Variants in SPAG16 observed in about 807,000 individuals in gnomAD.
SPAG16 encodes the protein sperm associated antigen 16, also known as sperm-associated antigen 16 protein.
In SPAG16, 86 loss-of-function variants were observed where a neutral mutation model predicts 80.4. That is an observed-to-expected ratio of 1.07 (90% CI 0.90 to 1.28). The LOEUF (loss-of-function observed/expected upper bound fraction) is 1.28, where lower values mean the gene tolerates loss of function less well. Among genes scored for constraint, SPAG16 ranks in the 50% most tolerant of loss-of-function variants. The pLI is 0.00. For missense variants in SPAG16, 870 were observed against 765.3 expected, an observed-to-expected ratio of 1.14 and a Z score of -1.61; for synonymous variants, 294 against 265.9, an observed-to-expected ratio of 1.11 and a Z score of -1.03.
At chr2:213,953,859 T>A (rs2043982799) in intron 12 of SPAG16, among the ~76,000 whole-genome samples, 1 of 151,980 alleles carries the variant, frequency 6.6e-6, no homozygotes, top group Admixed American at 6.6e-5. Flanking sequence ...CAAAAGATTG[T>A]ATGCAATGAT....
At chr2:214,189,634 AT>A (rs983706490) in intron 15 of SPAG16, among the ~76,000 whole-genome samples, 19 of 151,270 alleles carry the variant, frequency 1.3e-4, no homozygotes, top group Admixed American at 2.0e-4. Flanking sequence ...GCTAAACATG[AT>A]TTTTTTTTGT....
chr2:213,903,713 C>G (rs997460008), intron 11 of SPAG16, among the ~76,000 whole-genome samples: 1 of 152,172 alleles, frequency 6.6e-6, no homozygotes, highest in Admixed American at 6.5e-5. Flanking sequence ...TTGACTCTCT[C>G]CCCAGAAAAT....
At chr2:213,371,404 AAAAAAAAAAAAAAAG>A (rs1259790916) in intron 8 of SPAG16, among the ~76,000 whole-genome samples, 2 of 138,386 alleles carry the variant, frequency 1.4e-5, no homozygotes, top group Non-Finnish European at 3.1e-5. Flanking sequence ...CTCAAAAAAA[AAAAAAAAAAAAAAAG>A]AAAAGAAAAG....
At chr2:213,742,641 T>A (rs1483456958) in intron 10 of SPAG16, among the ~76,000 whole-genome samples, 2 of 139,866 alleles carry the variant, frequency 1.4e-5, no homozygotes, top group Admixed American at 7.6e-5. Context: ...AACCTCCACC[T>A]CCCGGGTGCA....
At chr2:213,361,207 G>T (rs939518628) in intron 7 of SPAG16, among the ~76,000 whole-genome samples, 1 of 151,542 alleles carries the variant, frequency 6.6e-6, no homozygotes, top group African/African-American at 2.4e-5. Context: ...CTTTGTTTTT[G>T]GTTTTAAGAA....
chr2:213,651,895 C>A (rs1313143730), intron 10 of SPAG16, among the ~76,000 whole-genome samples: 1 of 152,046 alleles, frequency 6.6e-6, no homozygotes, highest in Non-Finnish European at 1.5e-5. Flanking sequence ...AATAGTAAAT[C>A]AAATATAATT....
intron 9 of SPAG16, among the ~76,000 whole-genome samples, chr2:213,408,117 G>C (rs559634043): frequency 7.4e-6 from 1 of 135,080 alleles, no homozygotes; most frequent in South Asian, 2.2e-4. Flanking sequence ...CAAAAACAAA[G>C]AAAAAAAAAC....
At chr2:213,289,625 C>A (rs1323657162) in intron 1 of SPAG16, among the ~76,000 whole-genome samples, 3 of 152,134 alleles carry the variant, frequency 2.0e-5, no homozygotes, top group African/African-American at 7.2e-5. Context: ...AAGAAAGGGA[C>A]CAAGACTATG....
At chr2:213,506,099 T>C (rs1470832704) in intron 10 of SPAG16, among the ~76,000 whole-genome samples, 1 of 152,082 alleles carries the variant, frequency 6.6e-6, no homozygotes, top group East Asian at 1.9e-4. Flanking sequence ...TTAAGTTACC[T>C]TCTAGAATTA....
intron 13 of SPAG16, among the ~76,000 whole-genome samples, chr2:214,054,195 A>G (rs1220370559): frequency 6.6e-6 from 1 of 152,110 alleles, no homozygotes; most frequent in Non-Finnish European, 1.5e-5. Context: ...TCTTTAGTAT[A>G]GACGGGGTTT....
intron 5 of SPAG16, among the ~76,000 whole-genome samples, chr2:213,327,988 A>G (rs1002746409): frequency 2.0e-5 from 3 of 152,252 alleles, no homozygotes; most frequent in South Asian, 2.1e-4. Flanking sequence ...AGCTCATTAT[A>G]TGTCCATTTT....
intron 15 of SPAG16, among the ~76,000 whole-genome samples, chr2:214,177,677 G>A (rs888734549): frequency 6.7e-6 from 1 of 150,078 alleles, no homozygotes; most frequent in African/African-American, 2.4e-5. Flanking sequence ...TTTGCTTTCC[G>A]TTGTACATTG....
chr2:213,903,071 A>G (rs1479153363), intron 11 of SPAG16, among the ~76,000 whole-genome samples: 1 of 152,202 alleles, frequency 6.6e-6, no homozygotes, highest in Non-Finnish European at 1.5e-5. Flanking sequence ...TGCAGGGTAC[A>G]GCCTCCCTCC....
chr2:213,697,015 G>A (rs2065183302), intron 10 of SPAG16, among the ~76,000 whole-genome samples: 1 of 152,182 alleles, frequency 6.6e-6, no homozygotes. Context: ...CAGGAACCAA[G>A]TTCATTAGAA....
intron 13 of SPAG16, among the ~76,000 whole-genome samples, chr2:214,091,675 A>G (rs1000499911): frequency 2.0e-5 from 3 of 152,138 alleles, no homozygotes; most frequent in African/African-American, 4.8e-5. Flanking sequence ...TACTTAGCAT[A>G]AGTATTGGAT....
chr2:213,745,444 T>A (rs2067774317), intron 10 of SPAG16, among the ~76,000 whole-genome samples: 1 of 152,156 alleles, frequency 6.6e-6, no homozygotes, highest in Admixed American at 6.5e-5. Context: ...AGTTTCACCA[T>A]GTTGACTAGG....
intron 12 of SPAG16, among the ~76,000 whole-genome samples, chr2:214,001,243 CTT>C (rs2046774910): frequency 6.6e-6 from 1 of 152,040 alleles, no homozygotes; most frequent in Non-Finnish European, 1.5e-5. Context: ...AATTTATTTC[CTT>C]TTGTGTTTAA....
At chr2:213,971,468 C>G (rs2045049913) in intron 12 of SPAG16, among the ~76,000 whole-genome samples, 1 of 151,840 alleles carries the variant, frequency 6.6e-6, no homozygotes, top group Admixed American at 6.6e-5. Flanking sequence ...GCAAAATTAA[C>G]ATATTATATT....
chr2:213,456,387 G>T (rs901593989), intron 9 of SPAG16, among the ~76,000 whole-genome samples: 1 of 152,188 alleles, frequency 6.6e-6, no homozygotes, highest in Non-Finnish European at 1.5e-5. Context: ...TATTCAGTGT[G>T]TGTGGCTAGG....
Sources: allele counts gnomAD v4.1 joint callset (sites outside exome capture counted in the v4.1 genomes callset), GRCh38; gene constraint gnomAD v4.1.1; transcripts MANE v1.5; gene names NCBI Gene and HGNC (gene_info 2026-07-23, HGNC 2026-07-21).